Variants in SEMA4F observed in about 807,000 individuals in gnomAD.
SEMA4F encodes the protein semaphorin-4F.
A neutral mutation model predicts 78.4 loss-of-function variants in SEMA4F; 51 were observed. That is an observed-to-expected ratio of 0.65 (90% CI 0.52 to 0.82). SEMA4F has a LOEUF of 0.82. Among genes scored for constraint, SEMA4F ranks in the 40% least tolerant of loss-of-function variants. The probability of loss-of-function intolerance (pLI) is 0.00; values close to 1 mark genes in which losing one functional copy is unlikely to be tolerated. For synonymous variants in SEMA4F, 418 were observed against 408.7 expected (o/e 1.02, Z -0.27); for missense variants, 938 against 1,014.4 (o/e 0.92, Z 1.02).
downstream of SEMA4F, among the ~76,000 whole-genome samples, chr2:74,685,017 G>C (rs1175439153): frequency 1.3e-5 from 2 of 152,172 alleles, no homozygotes; most frequent in African/African-American, 2.4e-5. Context: ...CCTTTTGCTA[G>C]GACCAAGAGC....
At chr2:74,675,495 AATT>A (rs1418921918) in intron 10 of SEMA4F, 27 bp from the exon 11 acceptor site, 1 of 1,604,778 alleles carries the variant, frequency 6.2e-7, no homozygotes, top group East Asian at 2.2e-5. Context: ...GCAATTATGT[AATT>A]ATTCTTGTTC....
the SEMA4F span, among the ~76,000 whole-genome samples, chr2:74,703,343 T>G: frequency 1.3e-5 from 2 of 152,166 alleles, no homozygotes; most frequent in Non-Finnish European, 2.9e-5. Context: ...AACAAGGCAT[T>G]ATTATGTACA....
chr2:74,663,531 T>C (rs1255879289), intron 5 of SEMA4F, among the ~76,000 whole-genome samples: 1 of 152,220 alleles, frequency 6.6e-6, no homozygotes, highest in East Asian at 1.9e-4. Flanking sequence ...TGGTTCTGGA[T>C]GCTGGACATG....
At position 74,662,951 on chromosome 2, in the gene SEMA4F, T is replaced by A. The variant is rs1214042585; in HGVS notation, c.550+126T>A. ...ATTATTCTCATGTCTCTTTTTAGCC[T>A]TTCCTGTTCTTCCCTGAGTGCCTGT... On this transcript the variant is annotated intron_variant, in intron 5 of 13. Transcript: ENST00000357877. 3.6e-6 allele frequency: 3 copies of A among 842,916 alleles called. No individual in the cohort carries two copies. The African/African-American group carries it at 5.0e-5, about 14-fold the overall frequency. 52.2% of individuals were successfully genotyped at this position (842,916 alleles called of 1,614,324 possible).
chr2:74,702,286 A>C, the SEMA4F span, among the ~76,000 whole-genome samples: 1 of 152,186 alleles, frequency 6.6e-6, no homozygotes, highest in Non-Finnish European at 1.5e-5. Context: ...CAAATTCAAG[A>C]TGACCAAAAC....
Position 74,674,502 on chromosome 2 carries a change from A to G in SEMA4F, c.827A>G (p.Asp276Gly). The change falls in exon 8 of 14, where the codon GAC becomes GGC. Residue 276 changes from aspartate (D) to glycine (G), a missense_variant. Transcript: ENST00000357877. The part of the protein sequence containing the change: ...VPRVARVCAG[D>G]LGGRKTLQQR... ...CCCATGTGTTTGTCACCCCAGGGGG[A>G]CCTCGGGGGCCGGAAGACCCTCCAG... is the stretch of plus-strand genomic sequence containing the variant. The G allele has an allele frequency of 6.2e-7, 1 of 1,611,314 alleles. No homozygotes were observed. The highest frequency in any genetic ancestry group is 8.5e-7 in the Non-Finnish European group (1 of 1,178,638).
At position 74,680,008 on chromosome 2, in the gene SEMA4F, TCCACCTTCTGGGA is replaced by T; in HGVS notation, c.2117_2129del (p.Pro706GlnfsTer48). On this transcript the variant is annotated frameshift_variant, in exon 14 of 14. Coordinates refer to ENST00000357877, the MANE Select transcript of SEMA4F (RefSeq NM_004263.5). LOFTEE classifies it high-confidence loss of function. Reference sequence around the variant, plus strand: ...ACAAGGTGGGCCTGGACCTGGGGGCTCCACCTTCTGGGACCACAAGCTACAGCCAAGACCCTCC... The same window carrying T: ...ACAAGGTGGGCCTGGACCTGGGGGCTCCACAAGCTACAGCCAAGACCCTCC... 6.2e-7 allele frequency: 1 copy of T among 1,614,098 alleles called. No individual in the cohort carries two copies. Among genetic ancestry groups the T allele is most frequent in the Non-Finnish European group, 8.5e-7 (1 of 1,180,000 alleles).
Position 74,656,660 on chromosome 2 carries a change from C to G in SEMA4F, c.272C>G (p.Pro91Arg). ...ARDTIFALSLPFSGERPRRID... is the reference protein window; with the variant it reads ...ARDTIFALSLRFSGERPRRID... ...GACACCATCTTCGCTTTATCCCTGC[C>G]CTTCTCAGGGGAGAGACCCCGCAGG... Residue 91 changes from proline to arginine, a missense_variant, in exon 2 of 14, where the codon CCC becomes CGC. Pro to Arg is a moderately radical substitution (Grantham distance 103). Transcript: ENST00000357877. 1 of 1,614,162 alleles carries G rather than the reference C, an allele frequency of 6.2e-7. No homozygotes were observed. Among genetic ancestry groups the G allele is most frequent in the East Asian group, 2.2e-5 (1 of 44,864 alleles).
At position 74,675,035 on chromosome 2, in the gene SEMA4F, G is replaced by A; in HGVS notation, c.1149G>A (p.Glu383=). The change falls in exon 9 of 14, where the codon GAG becomes GAA. Residue 383 remains glutamate (E), a splice_region_variant and synonymous_variant. Coordinates refer to ENST00000357877, the MANE Select transcript of SEMA4F (RefSeq NM_004263.5). ...DNDVPQPRPG[E]CITNNMKLRH... Reference sequence around the variant, plus strand: ...ATGTGCCCCAGCCCAGACCTGGAGAGGTGAGGGGGCAGATCTTCATTCTAG... The same window carrying A: ...ATGTGCCCCAGCCCAGACCTGGAGAAGTGAGGGGGCAGATCTTCATTCTAG... 6.2e-7 allele frequency: 1 copy of A among 1,614,026 alleles called. No individual in the cohort carries two copies. Among genetic ancestry groups the A allele is most frequent in the Non-Finnish European group, 8.5e-7 (1 of 1,180,034 alleles).
chr2:74,685,105 C>T (rs112418214), downstream of SEMA4F, among the ~76,000 whole-genome samples: 2 of 152,188 alleles, frequency 1.3e-5, no homozygotes, highest in Non-Finnish European at 2.9e-5. Flanking sequence ...CTCATCCCTC[C>T]TATTGAGCAC....
At chr2:74,657,509 C>G (rs1018537640) in intron 2 of SEMA4F, 56 bp from the exon 3 acceptor site, 11 of 1,529,868 alleles carry the variant, frequency 7.2e-6, no homozygotes, top group Non-Finnish European at 8.2e-6. Flanking sequence ...CCTCTAACAT[C>G]GAGGGAGTTT....
At chr2:74,670,095 C>G (rs979139384) in intron 5 of SEMA4F, among the ~76,000 whole-genome samples, 2 of 152,126 alleles carry the variant, frequency 1.3e-5, no homozygotes, top group African/African-American at 4.8e-5. Context: ...TCATCTTTTG[C>G]CAATGGCGGA....
At chr2:74,697,507 G>A in the SEMA4F span, among the ~76,000 whole-genome samples, 1 of 152,094 alleles carries the variant, frequency 6.6e-6, no homozygotes, top group Admixed American at 6.5e-5. Context: ...AGGCACAGAG[G>A]GAAGAGATAG....
In SEMA4F at chr2:74,683,404, C is replaced by T. The variant is rs1467952613; in HGVS notation, c.*3195C>T. The T allele has an allele frequency of 1.3e-5, 2 of 152,242 alleles. No homozygotes were observed. The highest frequency in any genetic ancestry group is 1.3e-4 in the Admixed American group (2 of 15,282). The allele number at this position is 152,242 out of a possible 1,614,324, so 9.4% of individuals were successfully genotyped here. A position where few individuals can be genotyped will look rare whatever the true frequency, so the allele number is the denominator to read the frequency against. ...TTGATACGTAAGCTCCAATTCCTTCCTCCATAAGAAGAGAGAAGGCAGAAG... is the reference window on the plus strand; with the variant it reads ...TTGATACGTAAGCTCCAATTCCTTCTTCCATAAGAAGAGAGAAGGCAGAAG... On this transcript the variant is annotated 3_prime_UTR_variant, in exon 14 of 14. Coordinates refer to ENST00000357877, the MANE Select transcript of SEMA4F (RefSeq NM_004263.5).
chr2:74,679,788 A>G lies in SEMA4F; in HGVS notation c.1892A>G (p.Gln631Arg), dbSNP rs766482654. The change falls in exon 14 of 14, where the codon CAG becomes CGG. Residue 631 changes from glutamine (Q) to arginine (R), a missense_variant. Transcript: ENST00000357877. The part of the protein sequence containing the change: ...GAMGAYACEC[Q>R]EGGAAHVVAA... ...ATGGGCGCTTATGCCTGTGAATGTC[A>G]GGAGGGTGGGGCAGCCCATGTGGTA... The G allele has an allele frequency of 3.2e-5, 52 of 1,614,048 alleles. No homozygotes were observed. The highest frequency in any genetic ancestry group is 4.3e-5 in the Non-Finnish European group (51 of 1,180,040).
chr2:74,675,736 TCC>T lies in SEMA4F; in HGVS notation c.1483-12_1483-11del, dbSNP rs775741766. ...GATCCAGTGTATTCCCCTTCCCCAC[TCC>T]GTTTTTATAGAGCTGGCTCCTGGTT... On this transcript the variant is annotated splice_polypyrimidine_tract_variant and intron_variant, in intron 11 of 13. Coordinates refer to ENST00000357877, the MANE Select transcript of SEMA4F (RefSeq NM_004263.5). 6 of 1,613,626 alleles carry T rather than the reference TCC, an allele frequency of 3.7e-6. No homozygotes were observed. The South Asian group carries it at 6.6e-5, about 18-fold the overall frequency.
chr2:74,687,566 A>G (rs1283016338), downstream of SEMA4F, among the ~76,000 whole-genome samples: 1 of 152,226 alleles, frequency 6.6e-6, no homozygotes, highest in African/African-American at 2.4e-5. Context: ...GTGAATGAAT[A>G]TGGCCATTGC....
intron 2 of SEMA4F, 98 bp downstream of exon 2, chr2:74,656,783 T>G: frequency 1.6e-6 from 2 of 1,267,772 alleles, no homozygotes; most frequent in Non-Finnish European, 2.2e-6. Flanking sequence ...TAACTAAAGA[T>G]GTAACAGCAG....
chr2:74,672,771 CTTG>C (rs1421402811), intron 5 of SEMA4F, among the ~76,000 whole-genome samples: 2 of 152,116 alleles, frequency 1.3e-5, no homozygotes, highest in Non-Finnish European at 2.9e-5. Flanking sequence ...GACCTGATTC[CTTG>C]TTGTTTCTCC....
Sources: gnomAD v4.1 joint callset for allele counts (sites outside exome capture counted in the v4.1 genomes callset) on GRCh38, gnomAD v4.1.1 for gene constraint, MANE v1.5 for transcripts, NCBI Gene and HGNC (gene_info 2026-07-23, HGNC 2026-07-21) for gene names.